ALK: variants seen among roughly 807,000 people sequenced by gnomAD.
The protein encoded by ALK is ALK receptor tyrosine kinase.
Under a neutral mutation model 163.1 loss-of-function variants are expected in ALK, and 74 were observed. That is an observed-to-expected ratio of 0.45 (90% CI 0.38 to 0.55). The LOEUF (loss-of-function observed/expected upper bound fraction) is 0.55. Among genes scored for constraint, ALK ranks in the 20% least tolerant of loss-of-function variants. The pLI is 0.00. For synonymous variants in ALK, 960 were observed against 843.2 expected (o/e 1.14, Z -2.40); for missense variants, 2,063 against 2,105.3 (o/e 0.98, Z 0.39).
chr2:29,450,931 G>T (rs1421165387), intron 4 of ALK, among the ~76,000 whole-genome samples: 4 of 152,108 alleles, frequency 2.6e-5, no homozygotes, highest in South Asian at 4.1e-4. Flanking sequence ...CGTGGGGGCG[G>T]GGCTCAGGAC....
intron 5 of ALK, among the ~76,000 whole-genome samples, chr2:29,360,530 A>G (rs939997203): frequency 4.6e-5 from 7 of 152,152 alleles, no homozygotes; most frequent in Non-Finnish European, 1.0e-4. Flanking sequence ...GTGTTTGTCA[A>G]TGACTTCATG....
chr2:29,884,218 A>T (rs144519311), intron 1 of ALK, among the ~76,000 whole-genome samples: 2 of 152,334 alleles, frequency 1.3e-5, no homozygotes, highest in East Asian at 3.9e-4. Context: ...ATTTCATATC[A>T]TAGTAAAATG....
chr2:29,857,434 T>A (rs774634820), intron 1 of ALK, among the ~76,000 whole-genome samples: 10 of 152,144 alleles, frequency 6.6e-5, no homozygotes, highest in Non-Finnish European at 1.3e-4. Flanking sequence ...ACCAATGAGA[T>A]GATCCAGCTT....
intron 4 of ALK, among the ~76,000 whole-genome samples, chr2:29,433,019 T>G (rs1446398193): frequency 6.6e-6 from 1 of 152,226 alleles, no homozygotes; most frequent in Non-Finnish European, 1.5e-5. Context: ...GTACCATCTA[T>G]GATTTCACAC....
chr2:29,600,834 A>G (rs945167308), intron 3 of ALK, among the ~76,000 whole-genome samples: 1 of 152,202 alleles, frequency 6.6e-6, no homozygotes, highest in African/African-American at 2.4e-5. Flanking sequence ...GAAGGAACCC[A>G]GGCCGTATTT....
rs574284270 is a variant in ALK, at chr2:29,823,003, A to C, written c.667+96990T>G. Among the ~76,000 whole-genome samples, 96 of 152,176 alleles carry C rather than the reference A, an allele frequency of 6.3e-4. 1 individual carries two copies. Among genetic ancestry groups the C allele is most frequent in the African/African-American group, 2.2e-3 (91 of 41,514 alleles). ...TGGTTTGACTGTGTCCCCACCCAAA[A>C]CTCATCTTGAATTTCCACGTGTTAT... is the stretch of plus-strand genomic sequence containing the variant. On this transcript the variant is annotated intron_variant, in intron 1 of 28. Transcript: ENST00000389048.
intron 1 of ALK, among the ~76,000 whole-genome samples, chr2:29,906,870 C>T (rs1437516078): frequency 6.6e-6 from 1 of 150,670 alleles, no homozygotes; most frequent in Non-Finnish European, 1.5e-5. Flanking sequence ...ACTTGTCCAA[C>T]AGGTAACAGG....
At position 29,897,583 on chromosome 2, in the gene ALK, C is replaced by T. The variant is rs1416776993; in HGVS notation, c.667+22410G>A. Among the ~76,000 whole-genome samples the T allele has an allele frequency of 2.6e-5, 4 of 152,152 alleles. No individual in the cohort carries two copies. The South Asian group carries it at 6.2e-4, about 24-fold the overall frequency. ...GGATTTCCCTGATGGCTCCTCCCTC[C>T]ACCAGTCAGCAGTGTGGCACTGTGA... On this transcript the variant is annotated intron_variant, in intron 1 of 28. Coordinates refer to ENST00000389048, the MANE Select transcript of ALK (RefSeq NM_004304.5).
intron 1 of ALK, among the ~76,000 whole-genome samples, chr2:29,869,573 A>G (rs1215506988): frequency 6.6e-6 from 1 of 152,208 alleles, no homozygotes; most frequent in African/African-American, 2.4e-5. Context: ...AAGAAAATCA[A>G]TTTAGATCCT....
At chr2:29,913,794 T>C (rs932463384) in intron 1 of ALK, among the ~76,000 whole-genome samples, 2 of 152,202 alleles carry the variant, frequency 1.3e-5, no homozygotes, top group African/African-American at 4.8e-5. Flanking sequence ...TTAACTGCTC[T>C]TAATGTGCTC....
chr2:29,617,720 A>G (rs1675891750), intron 3 of ALK, among the ~76,000 whole-genome samples: 1 of 152,172 alleles, frequency 6.6e-6, no homozygotes. Flanking sequence ...TATCGGGAGC[A>G]CTATCTTCCC....
chr2:29,811,204 C>G (rs34049160), intron 1 of ALK, among the ~76,000 whole-genome samples: 102,989 of 151,748 alleles, frequency 0.68, 35,395 homozygotes, highest in South Asian at 0.78. Context: ...GAGCAGGGGA[C>G]GTGAAGCGGG....
intron 2 of ALK, 99 bp downstream of exon 2, chr2:29,717,479 A>G (rs1406543046): frequency 7.0e-7 from 1 of 1,423,672 alleles, no homozygotes; most frequent in Non-Finnish European, 9.9e-7. Flanking sequence ...GAGCTGAGGG[A>G]ATGCCCTGGA....
At chr2:29,662,519 A>C (rs112909386) in intron 3 of ALK, among the ~76,000 whole-genome samples, 22 of 152,160 alleles carry the variant, frequency 1.4e-4, no homozygotes, top group Admixed American at 5.9e-4. Flanking sequence ...GTTCACTATA[A>C]GATTTGGGTA....
At chr2:29,742,154 A>G (rs900532079) in intron 1 of ALK, among the ~76,000 whole-genome samples, 1 of 152,242 alleles carries the variant, frequency 6.6e-6, no homozygotes, top group African/African-American at 2.4e-5. Flanking sequence ...TGAACAGGGC[A>G]GGGAGGTTCA....
chr2:29,561,943 C>A (rs1674035347), intron 3 of ALK, among the ~76,000 whole-genome samples: 1 of 152,092 alleles, frequency 6.6e-6, no homozygotes, highest in Non-Finnish European at 1.5e-5. Flanking sequence ...AGGTTTTCAA[C>A]AGATACTACT....
intron 5 of ALK, among the ~76,000 whole-genome samples, chr2:29,369,747 G>A (rs1383826839): frequency 6.6e-6 from 1 of 152,168 alleles, no homozygotes; most frequent in Admixed American, 6.5e-5. Context: ...CTGAGGCTGG[G>A]GAGATGCAGG....
In ALK at chr2:29,841,125, T is replaced by C. The variant is rs114008447; in HGVS notation, c.667+78868A>G. 4.8e-3 allele frequency among the ~76,000 whole-genome samples: 733 copies of C among 152,296 alleles called. 6 individuals are homozygous for C. The highest frequency in any genetic ancestry group is 0.015 in the African/African-American group (611 of 41,562). ...TTCTGAATGTGGTTTCTATCAGTTA[T>C]AGTAACAGAAGATTTTACCTTAAAA... is the stretch of plus-strand genomic sequence containing the variant. On this transcript the variant is annotated intron_variant, in intron 1 of 28. Transcript: ENST00000389048.
chr2:29,656,441 T>A (rs1425666447), intron 3 of ALK, among the ~76,000 whole-genome samples: 4 of 152,208 alleles, frequency 2.6e-5, no homozygotes, highest in Non-Finnish European at 4.4e-5. Flanking sequence ...GTATACATAT[T>A]TCTTCCCACA....
Sources: gnomAD v4.1 joint callset for allele counts (sites outside exome capture counted in the v4.1 genomes callset) on GRCh38, gnomAD v4.1.1 for gene constraint, MANE v1.5 for transcripts, NCBI Gene and HGNC (gene_info 2026-07-23, HGNC 2026-07-21) for gene names.